The following MCTP2 variants were observed in gnomAD, a reference collection of about 807,000 sequenced individuals.
MCTP2 encodes multiple C2 and transmembrane domain-containing protein 2.
In MCTP2, 132 loss-of-function variants were observed where a neutral mutation model predicts 111.6. The ratio of observed to expected loss-of-function variants is 1.18; its 90% CI spans 1.03 to 1.37. The LOEUF is 1.37. Among genes scored for constraint, MCTP2 ranks in the 40% most tolerant of loss-of-function variants. The pLI is 0.00. For synonymous variants in MCTP2, 395 were observed against 387.7 expected (o/e 1.02, Z -0.22); for missense variants, 1,183 against 1,067.9 (o/e 1.11, Z -1.50).
chr15:94,467,843 TGGAATAGAGAAGTTG>T (rs2073525820), intron 20 of MCTP2, among the ~76,000 whole-genome samples: 1 of 152,180 alleles, frequency 6.6e-6, no homozygotes, highest in South Asian at 2.1e-4. Flanking sequence ...GGTTCTGCTG[TGGAATAGAGAAGTTG>T]GGAATGGACC....
intron 2 of MCTP2, among the ~76,000 whole-genome samples, chr15:94,313,352 T>C (rs531620179): frequency 2.6e-5 from 4 of 152,154 alleles, no homozygotes; most frequent in Non-Finnish European, 5.9e-5. Context: ...TACTGCATGA[T>C]GCAGGTGTCA....
chr15:94,416,970 C>T (rs2082405496), intron 17 of MCTP2, among the ~76,000 whole-genome samples: 1 of 152,104 alleles, frequency 6.6e-6, no homozygotes. Flanking sequence ...AGGTTTCAAA[C>T]ATGTTCCCTC....
At chr15:94,267,869 C>CTCTTTTTTTTTTT (rs2073639138) in intron 1 of MCTP2, among the ~76,000 whole-genome samples, 1 of 77,454 alleles carries the variant, frequency 1.3e-5, no homozygotes, top group Non-Finnish European at 2.2e-5. Flanking sequence ...CCTTTTCTTT[C>CTCTTTTTTTTTTT]TTTTTTTTTT....
chr15:94,267,456 A>G (rs1266974800), intron 1 of MCTP2, among the ~76,000 whole-genome samples: 1 of 152,176 alleles, frequency 6.6e-6, no homozygotes, highest in Non-Finnish European at 1.5e-5. Flanking sequence ...AAAAAAATCC[A>G]TTCACGAGTT....
At chr15:94,282,046 C>G (rs2152314048) in intron 1 of MCTP2, among the ~76,000 whole-genome samples, 1 of 152,160 alleles carries the variant, frequency 6.6e-6, no homozygotes, top group East Asian at 1.9e-4. Flanking sequence ...TAGTATCTTG[C>G]AGGGGTTCTA....
At chr15:94,420,037 T>G (rs538968812) in intron 17 of MCTP2, among the ~76,000 whole-genome samples, 1 of 152,234 alleles carries the variant, frequency 6.6e-6, no homozygotes, top group South Asian at 2.1e-4. Context: ...AACCTTAAAT[T>G]GAAGCCAGTA....
intron 12 of MCTP2, among the ~76,000 whole-genome samples, chr15:94,383,051 AT>A (rs79539551): frequency 0.12 from 17,895 of 151,740 alleles, 2,015 homozygotes; most frequent in East Asian, 0.44. Context: ...GATGAGCTTA[AT>A]TTTTTTTTGT....
intron 14 of MCTP2, among the ~76,000 whole-genome samples, chr15:94,397,866 T>C (rs1349088980): frequency 6.6e-6 from 1 of 152,236 alleles, no homozygotes; most frequent in African/African-American, 2.4e-5. Context: ...ATAGAGCTTT[T>C]GATTAACTGG....
chr15:94,331,256 G>C (rs1411306714), intron 4 of MCTP2, among the ~76,000 whole-genome samples: 4 of 152,134 alleles, frequency 2.6e-5, no homozygotes, highest in Non-Finnish European at 4.4e-5. Context: ...CTTAGTTGAT[G>C]GGTTATAAAG....
intron 4 of MCTP2, among the ~76,000 whole-genome samples, chr15:94,319,628 G>A (rs1039713428): frequency 1.3e-5 from 2 of 152,216 alleles, no homozygotes; most frequent in Admixed American, 1.3e-4. Flanking sequence ...CGGCACATGA[G>A]AAGAAACCCA....
intron 10 of MCTP2, among the ~76,000 whole-genome samples, chr15:94,367,111 G>T (rs758809259): frequency 6.6e-6 from 1 of 151,986 alleles, no homozygotes; most frequent in Non-Finnish European, 1.5e-5. Flanking sequence ...ATAAAAATTC[G>T]CCAGTTGGCA....
chr15:94,406,498 G>A (rs558539662), intron 17 of MCTP2, among the ~76,000 whole-genome samples: 8 of 152,328 alleles, frequency 5.3e-5, no homozygotes, highest in African/African-American at 1.9e-4. Context: ...TGGGGATTAA[G>A]CCTGTTCCAA....
intron 20 of MCTP2, among the ~76,000 whole-genome samples, chr15:94,463,942 C>T (rs2085365986): frequency 6.6e-6 from 1 of 151,952 alleles, no homozygotes; most frequent in South Asian, 2.1e-4. Context: ...TATTGTTCTA[C>T]AGTCCCTTTA....
intron 17 of MCTP2, among the ~76,000 whole-genome samples, chr15:94,403,457 T>C (rs1357911119): frequency 1.3e-5 from 2 of 152,200 alleles, no homozygotes; most frequent in Non-Finnish European, 2.9e-5. Context: ...TGGTGGCTTC[T>C]TCCAGTCAGC....
At chr15:94,279,470 T>C (rs899348554) in intron 1 of MCTP2, among the ~76,000 whole-genome samples, 1 of 152,154 alleles carries the variant, frequency 6.6e-6, no homozygotes, top group African/African-American at 2.4e-5. Flanking sequence ...CTTGATTTTG[T>C]ATCCTGAAAA....
chr15:94,364,188 T>G (rs187493455), intron 10 of MCTP2, among the ~76,000 whole-genome samples: 5 of 113,414 alleles, frequency 4.4e-5, no homozygotes, highest in African/African-American at 1.1e-4. Context: ...TAAATAAAGG[T>G]TTTTTTTGGG....
At chr15:94,282,229 TTTTG>T (rs1273780579) in intron 1 of MCTP2, among the ~76,000 whole-genome samples, 2 of 152,128 alleles carry the variant, frequency 1.3e-5, no homozygotes, top group African/African-American at 4.8e-5. Context: ...TTCTTTGAGG[TTTTG>T]TTTATTTTTT....
At chr15:94,304,024 C>G (rs1230812103) in intron 2 of MCTP2, among the ~76,000 whole-genome samples, 1 of 152,202 alleles carries the variant, frequency 6.6e-6, no homozygotes, top group East Asian at 1.9e-4. Context: ...TCGGCATGCT[C>G]TAAGACATGT....
intron 4 of MCTP2, among the ~76,000 whole-genome samples, chr15:94,327,062 T>A (rs2076918402): frequency 6.6e-6 from 1 of 152,202 alleles, no homozygotes; most frequent in Non-Finnish European, 1.5e-5. Context: ...TTTTTAAATT[T>A]GTCACTTGCC....
Sources: allele counts gnomAD v4.1 joint callset (sites outside exome capture counted in the v4.1 genomes callset), GRCh38; gene constraint gnomAD v4.1.1; transcripts MANE v1.5; gene names NCBI Gene and HGNC (gene_info 2026-07-23, HGNC 2026-07-21).